Variants in SSBP3 observed in about 807,000 individuals in gnomAD.
The protein encoded by SSBP3 is single stranded DNA binding protein 3, also known as single-stranded DNA-binding protein 3.
Under a neutral mutation model 69.6 loss-of-function variants are expected in SSBP3, and 5 were observed. The ratio of observed to expected loss-of-function variants is 0.07; its 90% confidence interval spans 0.04 to 0.15. The LOEUF (loss-of-function observed/expected upper bound fraction) is 0.15, where lower values mean the gene tolerates loss of function less well. Among genes scored for constraint, SSBP3 ranks in the 10% least tolerant of loss-of-function variants. The pLI is 1.00. For synonymous variants in SSBP3, 196 were observed against 193.4 expected (o/e 1.01, Z -0.11); for missense variants, 312 against 534.0 (o/e 0.58, Z 4.10).
Position 54,258,243 on chromosome 1 carries a change from G to T in SSBP3, c.367-94C>A. 1 of 1,116,102 alleles carries T rather than the reference G, an allele frequency of 9.0e-7. No homozygotes were observed. The highest frequency in any genetic ancestry group is 1.2e-6 in the Non-Finnish European group (1 of 830,902). The allele number at this position is 1,116,102 out of a possible 1,614,324, so 69.1% of individuals were successfully genotyped here. A position where few individuals can be genotyped will look rare whatever the true frequency, so the allele number is the denominator to read the frequency against. ...AGAACAAAAATTAAACCAAAACGAA[G>T]GGTGGGCGGCGGGCGTGCGGGGGGG... is the stretch of plus-strand genomic sequence containing the variant. On this transcript the variant is annotated intron_variant, in intron 5 of 17. Transcript: ENST00000610401. This position sits in a 1 kb window ranked among gnomAD's most constrained non-coding sequence, Gnocchi z 4.5.
intron 4 of SSBP3, among the ~76,000 whole-genome samples, chr1:54,376,510 G>A (rs927056622): frequency 6.6e-6 from 1 of 152,156 alleles, no homozygotes; most frequent in African/African-American, 2.4e-5. Context: ...TCAATGAAAT[G>A]CAATAATGTG....
intron 4 of SSBP3, among the ~76,000 whole-genome samples, chr1:54,368,844 G>A (rs998490352): frequency 4.6e-5 from 7 of 152,164 alleles, no homozygotes; most frequent in Admixed American, 3.3e-4. Context: ...CACTTACTAG[G>A]GAATCTTCAG....
At chr1:54,313,630 C>T (rs1188909016) in intron 4 of SSBP3, among the ~76,000 whole-genome samples, 1 of 151,976 alleles carries the variant, frequency 6.6e-6, no homozygotes, top group Non-Finnish European at 1.5e-5. Context: ...AGCACGGGGG[C>T]CTGGAGTGTT....
Position 54,272,239 on chromosome 1 carries a change from C to T in SSBP3, c.366+9199G>A, listed in dbSNP as rs115303279. 1.5e-3 allele frequency among the ~76,000 whole-genome samples: 227 copies of T among 152,216 alleles called. 2 individuals are homozygous for T. The highest frequency in any genetic ancestry group is 5.2e-3 in the African/African-American group (215 of 41,534). On this transcript the variant is annotated intron_variant, in intron 5 of 17. Coordinates refer to ENST00000610401, the Ensembl canonical transcript of SSBP3. Reference sequence around the variant, plus strand: ...TGAACCTGACCCCATACTGTGGTTCCCTGCACTTAGAACAGTGCCTCACAC... The same window carrying T: ...TGAACCTGACCCCATACTGTGGTTCTCTGCACTTAGAACAGTGCCTCACAC...
At chr1:54,322,370 T>C (rs1646228866) in intron 4 of SSBP3, among the ~76,000 whole-genome samples, 1 of 152,156 alleles carries the variant, frequency 6.6e-6, no homozygotes, top group African/African-American at 2.4e-5. Context: ...TGAACAGCCA[T>C]GGCCAATAGC....
chr1:54,399,052 G>A (rs1039911877), intron 4 of SSBP3, among the ~76,000 whole-genome samples: 1 of 152,188 alleles, frequency 6.6e-6, no homozygotes, highest in African/African-American at 2.4e-5. Context: ...GTCTCTAAAA[G>A]AACACCATTC....
At chr1:54,407,137 C>G (rs985776352), upstream of SSBP3, among the ~76,000 whole-genome samples, 2 of 151,346 alleles carry the variant, frequency 1.3e-5, no homozygotes, top group Non-Finnish European at 2.9e-5. Flanking sequence ...TGGCCCTTGG[C>G]GTGCTTTGGG....
chr1:54,390,779 A>G (rs992158199), intron 4 of SSBP3, among the ~76,000 whole-genome samples: 4 of 152,232 alleles, frequency 2.6e-5, no homozygotes, highest in Admixed American at 2.6e-4. Flanking sequence ...GCTGCGGGCC[A>G]GGGCCGCCGC....
chr1:54,242,026 G>T, intron 11 of SSBP3, 138 bp downstream of exon 11: 1 of 1,009,602 alleles, frequency 9.9e-7, no homozygotes. Flanking sequence ...ACCTCCACAC[G>T]GCCTTCTCCC....
chr1:54,273,102 G>A (rs1645223802), intron 5 of SSBP3, among the ~76,000 whole-genome samples: 1 of 152,262 alleles, frequency 6.6e-6, no homozygotes, highest in Non-Finnish European at 1.5e-5. Flanking sequence ...TCTGCGTTAG[G>A]GGGCAGTCAA....
In SSBP3 at chr1:54,271,403, G is replaced by A. The variant is rs1645191095; in HGVS notation, c.366+10035C>T. Among the ~76,000 whole-genome samples, 13 of 152,284 alleles carry A rather than the reference G, an allele frequency of 8.5e-5. No individual in the cohort carries two copies. In the South Asian group the frequency reaches 2.5e-3, roughly 29 times the overall value. On this transcript the variant is annotated intron_variant, in intron 5 of 17. Transcript: ENST00000610401. ...GATTTGCAGGTATGAGCCACCACGT[G>A]TGGCCTGAATATAGGTTTATATGTA...
chr1:54,320,483 A>T (rs1304240086), intron 4 of SSBP3, among the ~76,000 whole-genome samples: 1 of 151,576 alleles, frequency 6.6e-6, no homozygotes, highest in Non-Finnish European at 1.5e-5. Context: ...ATGCTGGCTA[A>T]TTTTTTTTGT....
intron 1 of SSBP3, 27 bp downstream of exon 1, chr1:54,405,926 G>T: frequency 8.1e-7 from 1 of 1,231,468 alleles, no homozygotes; most frequent in Non-Finnish European, 1.0e-6. Flanking sequence ...GCGGCGGCGC[G>T]GCCGCCACTT....
chr1:54,294,142 CAAAA>C lies in SSBP3; in HGVS notation c.277-12619_277-12616del, dbSNP rs1223376233. On this transcript the variant is annotated intron_variant, in intron 4 of 17. Transcript: ENST00000610401. ...GGGGTGACAGAGTGAGACTCCATCT[CAAAA>C]AAAAAAAAAAAAAAAAGAAAGAAAG... 1.8e-3 allele frequency among the ~76,000 whole-genome samples: 74 copies of C among 41,528 alleles called. 1 individual carries two copies. Among genetic ancestry groups the C allele is most frequent in the Non-Finnish European group, 2.8e-3 (64 of 22,736 alleles). 27.2% of individuals were successfully genotyped at this position (41,528 alleles called of 152,430 possible). A position where few individuals can be genotyped will look rare whatever the true frequency, so the allele number is the denominator to read the frequency against.
intron 4 of SSBP3, among the ~76,000 whole-genome samples, chr1:54,331,379 T>A (rs1394993030): frequency 1.3e-5 from 2 of 152,154 alleles, no homozygotes; most frequent in Admixed American, 6.5e-5. Flanking sequence ...TCGGGTTACA[T>A]GAAACAGGAT....
At chr1:54,335,747 C>T (rs1307557802) in intron 4 of SSBP3, 3 of 152,278 alleles carry the variant, frequency 2.0e-5, no homozygotes. Flanking sequence ...AAGACAAGCA[C>T]TCTGATCCCT....
chr1:54,285,746 A>C (rs1027057784), intron 4 of SSBP3, among the ~76,000 whole-genome samples: 1 of 151,898 alleles, frequency 6.6e-6, no homozygotes, highest in Non-Finnish European at 1.5e-5. Flanking sequence ...CAAAACCAAA[A>C]CCCCTGAAAA....
chr1:54,238,119 C>G (rs1368143564), intron 14 of SSBP3: 1 of 470,496 alleles, frequency 2.1e-6, no homozygotes, highest in Admixed American at 2.3e-5. Flanking sequence ...CCAGTGAGGA[C>G]CCTGGCAACG....
chr1:54,264,790 G>C (rs185056915), intron 5 of SSBP3, among the ~76,000 whole-genome samples: 64 of 152,322 alleles, frequency 4.2e-4, no homozygotes, highest in African/African-American at 1.1e-3. Context: ...GCTGAGGAAA[G>C]GGGACTTGAG....
Sources: gnomAD v4.1 joint callset for allele counts (sites outside exome capture counted in the v4.1 genomes callset) on GRCh38, gnomAD v4.1.1 for gene constraint, Gnocchi (gnomAD v3.1) non-coding constraint, MANE v1.5 for transcripts, NCBI Gene and HGNC (gene_info 2026-07-23, HGNC 2026-07-21) for gene names.